Variants in INF2 observed in about 807,000 individuals in gnomAD.
The protein encoded by INF2 is inverted formin-2.
In INF2, 43 loss-of-function variants were observed where a neutral mutation model predicts 123.5. The observed-to-expected ratio is 0.35, with a 90% confidence interval of 0.27 to 0.45. The LOEUF (loss-of-function observed/expected upper bound fraction) is 0.45. Ranked by LOEUF, INF2 falls within the 20% of genes least tolerant of loss-of-function variation. INF2 has a pLI of 1.00. For missense variants in INF2, 1,453 were observed against 1,682.7 expected, an observed-to-expected ratio of 0.86 and a Z score of 2.39; for synonymous variants, 851 against 745.0, an observed-to-expected ratio of 1.14 and a Z score of -2.32.
intron 22 of INF2, among the ~76,000 whole-genome samples, chr14:104,718,284 G>C (rs1890407628): frequency 1.3e-5 from 2 of 152,232 alleles, no homozygotes; most frequent in African/African-American, 4.8e-5. Context: ...AAGCGAAGAG[G>C]GCGTTGGGGG....
At chr14:104,715,600 C>T (rs1890263447) in intron 22 of INF2, 4 of 602,558 alleles carry the variant, frequency 6.6e-6, no homozygotes, top group Admixed American at 5.5e-5. Flanking sequence ...ATGCGGGCCT[C>T]GAGAGGGCAG....
rs1361857573 is a variant in INF2, at chr14:104,713,163, AG to A, written c.2776-41del. 2.5e-6 allele frequency: 4 copies of A among 1,579,194 alleles called. No individual in the cohort carries two copies. In the South Asian group the frequency reaches 4.5e-5, roughly 18 times the overall value. ...GACGCCCAGGCCCATGGAGCCCCTG[AG>A]GGATGCCACGCTGGGGTGACGGGGC... On this transcript the variant is annotated intron_variant, in intron 18 of 22. Coordinates refer to ENST00000392634, the MANE Select transcript of INF2 (RefSeq NM_022489.4).
In INF2 at chr14:104,707,356, C is replaced by T. The variant is rs1235543805; in HGVS notation, c.1089C>T (p.Asn363=). The T allele has an allele frequency of 6.3e-7, 1 of 1,598,384 alleles. No individual in the cohort carries two copies. The highest frequency in any genetic ancestry group is 1.3e-5 in the African/African-American group (1 of 74,466). The change falls in exon 8 of 23, where the codon AAC becomes AAT. Residue 363 remains asparagine (N), a synonymous_variant. Transcript: ENST00000392634. The part of the protein sequence containing the change: ...LVKAHKSVQA[N]LDQSQRGSSP... ...AGGCCCATAAAAGCGTCCAGGCCAA[C>T]CTAGACCAGAGCCAGAGGGGCAGCT... is the stretch of plus-strand genomic sequence containing the variant.
At chr14:104,713,706 C>T (rs1890161790) in intron 20 of INF2, 100 bp downstream of exon 20, 2 of 1,340,032 alleles carry the variant, frequency 1.5e-6, no homozygotes, top group African/African-American at 1.4e-5. Flanking sequence ...GCCCTCTCCT[C>T]TCCCTGGGCC....
chr14:104,718,731 G>A (rs1008885311), intron 22 of INF2, 64 bp from the exon 23 acceptor site: 151 of 1,591,746 alleles, frequency 9.5e-5, no homozygotes, highest in Middle Eastern at 1.7e-4. Flanking sequence ...ACCCAGAAGC[G>A]GGCACCTGAT....
At chr14:104,700,884 A>G in intron 1 of INF2, 2 of 985,064 alleles carry the variant, frequency 2.0e-6, no homozygotes, top group Non-Finnish European at 1.2e-6. Context: ...CTCCCTGTCC[A>G]TATTGTCCAC....
At position 104,719,062 on chromosome 14, in the gene INF2, G is replaced by T; in HGVS notation, c.*269G>T. 1.4e-6 allele frequency: 1 copy of T among 699,772 alleles called. No individual in the cohort carries two copies. Among genetic ancestry groups the T allele is most frequent in the Non-Finnish European group, 2.2e-6 (1 of 451,136 alleles). 43.3% of individuals were successfully genotyped at this position (699,772 alleles called of 1,614,324 possible). A position where few individuals can be genotyped will look rare whatever the true frequency, so the allele number is the denominator to read the frequency against. Reference sequence around the variant, plus strand: ...CACCTGCTTCCTAAAGGCAACCCTGGCCCACACCCGCATGCGCCCGGTGCA... The same window carrying T: ...CACCTGCTTCCTAAAGGCAACCCTGTCCCACACCCGCATGCGCCCGGTGCA... On this transcript the variant is annotated 3_prime_UTR_variant, in exon 23 of 23. Coordinates refer to ENST00000392634, the MANE Select transcript of INF2 (RefSeq NM_022489.4).
At chr14:104,687,979 G>A (rs1191877846), upstream of INF2, among the ~76,000 whole-genome samples, 1 of 152,238 alleles carries the variant, frequency 6.6e-6, no homozygotes, top group Non-Finnish European at 1.5e-5. The surrounding 1 kb of genome is among the most constrained non-coding windows in gnomAD (Gnocchi z 5.6). Flanking sequence ...AGGGTGGGGT[G>A]GTACCAGGGC....
upstream of INF2, chr14:104,689,476 G>C (rs542267087): frequency 4.3e-5 from 18 of 420,922 alleles, no homozygotes; most frequent in South Asian, 1.3e-3. Flanking sequence ...CTCAGGGACC[G>C]GCCACAGTGG....
chr14:104,701,310 AG>A (rs1447205486), intron 1 of INF2, 46 bp from the exon 2 acceptor site: 4 of 1,532,558 alleles, frequency 2.6e-6, no homozygotes, highest in Non-Finnish European at 3.5e-6. Context: ...CCAGGAGGAC[AG>A]CCCCCATCCC....
chr14:104,686,460 GAACAGACGGA>G (rs1888667332), upstream of INF2, among the ~76,000 whole-genome samples: 27 of 151,962 alleles, frequency 1.8e-4, no homozygotes, highest in Admixed American at 1.8e-3. Context: ...GTAGGTGGGT[GAACAGACGGA>G]TGAAGTGTGG....
In INF2 at chr14:104,715,302, A is replaced by G; in HGVS notation, c.3713A>G (p.Asp1238Gly). ...GAAGCAGAGGTTCCCCCTGATTCTG[A>G]TGATAATAAAACAAAGAAACTGTGT... ...RSQEEVPPDSDDNKTKKLCVI... is the reference protein window; with the variant it reads ...RSQEEVPPDSGDNKTKKLCVI... Residue 1238 changes from aspartate to glycine, a missense_variant, in exon 22 of 23, where the codon GAT becomes GGT. Coordinates refer to ENST00000392634, the MANE Select transcript of INF2 (RefSeq NM_022489.4). 6.2e-7 allele frequency: 1 copy of G among 1,613,632 alleles called. No homozygotes were observed. Among genetic ancestry groups the G allele is most frequent in the Non-Finnish European group, 8.5e-7 (1 of 1,179,830 alleles).
chr14:104,718,815 G>A lies in INF2; in HGVS notation c.*22G>A, dbSNP rs1187443357. The A allele has an allele frequency of 6.8e-6, 11 of 1,612,942 alleles. No individual in the cohort carries two copies. The highest frequency in any genetic ancestry group is 3.3e-5 in the Admixed American group (2 of 60,000). On this transcript the variant is annotated 3_prime_UTR_variant, in exon 23 of 23. Coordinates refer to ENST00000392634, the MANE Select transcript of INF2 (RefSeq NM_022489.4). ...TACAGGCCTCAGGCCCAGGCCCAAG[G>A]CCAAGTGAGAGAGCCCAGGCCACAG...
At chr14:104,697,551 T>A (rs1889246530) in intron 1 of INF2, among the ~76,000 whole-genome samples, 1 of 152,252 alleles carries the variant, frequency 6.6e-6, no homozygotes, top group Non-Finnish European at 1.5e-5. Context: ...CACACTCAGC[T>A]TGACTGTTGA....
chr14:104,716,229 G>C (rs770940819), intron 22 of INF2, among the ~76,000 whole-genome samples: 1 of 152,234 alleles, frequency 6.6e-6, no homozygotes, highest in Non-Finnish European at 1.5e-5. Context: ...CGCTGGGCCT[G>C]GGGCTTAGGC....
At chr14:104,711,286 C>A in intron 15 of INF2, 100 bp downstream of exon 15, 2 of 1,020,840 alleles carry the variant, frequency 2.0e-6, no homozygotes, top group South Asian at 1.4e-5. Context: ...ACCACTCAGG[C>A]CGCCGGTCTC....
Position 104,711,640 on chromosome 14 carries a change from G to A in INF2, c.2430G>A (p.Lys810=). 6.2e-7 allele frequency: 1 copy of A among 1,612,530 alleles called. No homozygotes were observed. Among genetic ancestry groups the A allele is most frequent in the Non-Finnish European group, 8.5e-7 (1 of 1,179,718 alleles). The change falls in exon 16 of 23, where the codon AAG becomes AAA. Residue 810 remains lysine (K), a synonymous_variant. Coordinates refer to ENST00000392634, the MANE Select transcript of INF2 (RefSeq NM_022489.4). ...LLHHVLEEAE[K]SHPDLLQLPR... is the part of the protein sequence containing the mutation. Reference sequence around the variant, plus strand: ...GTGTCCCATTGCAGGAAGCGGAAAAGAGCCACCCCGACCTCCTGCAGCTGC... The same window carrying A: ...GTGTCCCATTGCAGGAAGCGGAAAAAAGCCACCCCGACCTCCTGCAGCTGC...
intron 20 of INF2, among the ~76,000 whole-genome samples, chr14:104,713,944 A>G (rs1890172001): frequency 6.6e-6 from 1 of 152,228 alleles, no homozygotes; most frequent in Non-Finnish European, 1.5e-5. Flanking sequence ...GCAGGCGGCA[A>G]GGCCCTGGTG....
chr14:104,710,708 G>A (rs1000494955), intron 13 of INF2: 1 of 585,346 alleles, frequency 1.7e-6, no homozygotes, highest in Middle Eastern at 4.6e-4. Context: ...GACAGGTACG[G>A]ACCAGTGAGG....
Sources: allele counts gnomAD v4.1 joint callset (sites outside exome capture counted in the v4.1 genomes callset), GRCh38; gene constraint gnomAD v4.1.1; non-coding constraint Gnocchi (gnomAD v3.1); transcripts MANE v1.5; gene names NCBI Gene and HGNC (gene_info 2026-07-23, HGNC 2026-07-21).